The following STX8 variants were observed in gnomAD, a reference collection of about 807,000 sequenced individuals.
STX8 encodes the protein syntaxin-8.
STX8 carries 23 observed loss-of-function variants against 37.5 expected under a neutral mutation model. The observed-to-expected ratio is 0.61, with a 90% CI of 0.44 to 0.87. STX8 has a LOEUF of 0.87. Ranked by LOEUF, STX8 falls within the 40% of genes least tolerant of loss-of-function variation. The pLI is 0.00. For missense variants in STX8, 313 were observed against 284.7 expected, an observed-to-expected ratio of 1.10 and a Z score of -0.71; for synonymous variants, 115 against 99.1, an observed-to-expected ratio of 1.16 and a Z score of -0.95.
chr17:9,294,804 G>T (rs552502534), intron 7 of STX8, among the ~76,000 whole-genome samples: 1 of 152,156 alleles, frequency 6.6e-6, no homozygotes, highest in Non-Finnish European at 1.5e-5. Flanking sequence ...ATGAAAATGA[G>T]GTCATAAGAG....
intron 7 of STX8, among the ~76,000 whole-genome samples, chr17:9,256,232 C>A (rs148266565): frequency 1.3e-5 from 2 of 151,866 alleles, no homozygotes; most frequent in Admixed American, 1.3e-4. Context: ...TGGGTAGGAC[C>A]CCTCTGCCCA....
At chr17:9,556,772 T>TATATATATATACATAC (rs1567609017) in intron 3 of STX8, 11 of 82,944 alleles carry the variant, frequency 1.3e-4, no homozygotes, top group Non-Finnish European at 2.6e-4. Flanking sequence ...TATATATATA[T>TATATATATATACATAC]ATATATATAT....
At chr17:9,262,841 T>A (rs1907093713) in intron 7 of STX8, among the ~76,000 whole-genome samples, 1 of 152,170 alleles carries the variant, frequency 6.6e-6, no homozygotes, top group Non-Finnish European at 1.5e-5. Context: ...CCCAAAGTGG[T>A]AGGATACAGG....
Position 9,456,969 on chromosome 17 carries a change from G to A in STX8, c.541+34860C>T, listed in dbSNP as rs1432945610. Among the ~76,000 whole-genome samples, 4 of 152,128 alleles carry A rather than the reference G, an allele frequency of 2.6e-5. 1 individual carries two copies. Among genetic ancestry groups the A allele is most frequent in the Admixed American group, 2.0e-4 (3 of 15,254 alleles). On this transcript the variant is annotated intron_variant, in intron 6 of 7. Coordinates refer to ENST00000306357, the MANE Select transcript of STX8 (RefSeq NM_004853.3). ...TTAGACACAGAACTCTGCTAAGTAC[G>A]TATGCATCTTGCTTAGGACAGCTGT... is the stretch of plus-strand genomic sequence containing the variant.
intron 6 of STX8, among the ~76,000 whole-genome samples, chr17:9,477,284 G>A (rs537472270): frequency 4.6e-5 from 7 of 152,138 alleles, no homozygotes; most frequent in African/African-American, 1.7e-4. Flanking sequence ...AGTAGTAGGG[G>A]GTTAGTACTT....
chr17:9,568,651 C>G (rs1028624057), intron 1 of STX8, among the ~76,000 whole-genome samples, 181 bp from the exon 2 acceptor site: 7 of 152,168 alleles, frequency 4.6e-5, no homozygotes, highest in African/African-American at 1.7e-4. Flanking sequence ...CAGGCGCCCG[C>G]TATCATGCCT....
At chr17:9,406,995 C>T (rs1191267117) in intron 6 of STX8, among the ~76,000 whole-genome samples, 1 of 152,066 alleles carries the variant, frequency 6.6e-6, no homozygotes, top group Non-Finnish European at 1.5e-5. Flanking sequence ...TCTGATTGTT[C>T]ATACTATTCA....
chr17:9,376,389 G>A (rs989362449), intron 7 of STX8, among the ~76,000 whole-genome samples: 4 of 152,092 alleles, frequency 2.6e-5, no homozygotes, highest in Non-Finnish European at 2.9e-5. Context: ...GTTTGTAAAC[G>A]CACCAATCAG....
chr17:9,507,333 G>A lies in STX8; in HGVS notation c.324-2171C>T, dbSNP rs746607790. Among the ~76,000 whole-genome samples, 4 of 151,898 alleles carry A rather than the reference G, an allele frequency of 2.6e-5. No homozygotes were observed. Among genetic ancestry groups the A allele is most frequent in the African/African-American group, 9.7e-5 (4 of 41,334 alleles). On this transcript the variant is annotated intron_variant, in intron 4 of 7. Transcript: ENST00000306357. This position sits in a 1 kb window ranked among gnomAD's most constrained non-coding sequence, Gnocchi z 4.0. ...ATCTCAGGCCTGAAAAACAGCCCAT[G>A]GGTCACCCCTAGCGGCAACTCCCCT...
At chr17:9,373,924 A>G (rs1288095253) in intron 7 of STX8, among the ~76,000 whole-genome samples, 2 of 148,270 alleles carry the variant, frequency 1.3e-5, no homozygotes, top group African/African-American at 5.1e-5. Flanking sequence ...GGGCAACAAG[A>G]GCAGAACTCT....
At chr17:9,531,274 A>T (rs1722915799) in intron 4 of STX8, among the ~76,000 whole-genome samples, 1 of 152,134 alleles carries the variant, frequency 6.6e-6, no homozygotes, top group South Asian at 2.1e-4. Flanking sequence ...TTAACCATAT[A>T]AACAGTGGCT....
At chr17:9,311,336 G>A (rs1002000700) in intron 7 of STX8, among the ~76,000 whole-genome samples, 1 of 151,902 alleles carries the variant, frequency 6.6e-6, no homozygotes, top group Non-Finnish European at 1.5e-5. Context: ...GCAATGGAAT[G>A]ATATGTATTT....
rs1555532616 is a variant in STX8, at chr17:9,506,420, C to CCA, written c.324-1259_324-1258insTG. 1.4e-4 allele frequency among the ~76,000 whole-genome samples: 15 copies of CCA among 104,116 alleles called. 1 individual carries two copies. Among genetic ancestry groups the CCA allele is most frequent in the Non-Finnish European group, 2.9e-4 (14 of 48,378 alleles). 68.3% of individuals were successfully genotyped at this position (104,116 alleles called of 152,430 possible). A position where few individuals can be genotyped will look rare whatever the true frequency, so the allele number is the denominator to read the frequency against. On this transcript the variant is annotated intron_variant, in intron 4 of 7. Transcript: ENST00000306357. ...GTGCTCACCCGCTCCCCCCCCCCCC[C>CCA]ACCCACCTTTCTTAGGAAAGGACTA...
rs1036197390 is a variant in STX8, at chr17:9,260,763, C to T, written c.644-10118G>A. On this transcript the variant is annotated intron_variant, in intron 7 of 7. Transcript: ENST00000306357. The stretch of plus-strand genomic sequence containing the variant: ...ACTGGGAAGAGAGAGGCACCTGGCA[C>T]CCTCCTCACCCTGGAAACTCAGCCC... 2.0e-5 allele frequency among the ~76,000 whole-genome samples: 3 copies of T among 152,160 alleles called. No individual in the cohort carries two copies. The South Asian group carries it at 6.2e-4, about 32-fold the overall frequency.
At chr17:9,564,464 A>G (rs1437101632) in intron 2 of STX8, among the ~76,000 whole-genome samples, 2 of 152,130 alleles carry the variant, frequency 1.3e-5, no homozygotes, top group Non-Finnish European at 2.9e-5. Context: ...GAAATCTCAT[A>G]CTCCCAGTCC....
At chr17:9,297,848 A>G (rs1284066988) in intron 7 of STX8, among the ~76,000 whole-genome samples, 1 of 152,196 alleles carries the variant, frequency 6.6e-6, no homozygotes, top group Non-Finnish European at 1.5e-5. Context: ...CTGTCTCTCA[A>G]TAAATGAATG....
intron 7 of STX8, among the ~76,000 whole-genome samples, chr17:9,258,795 C>T (rs1906898392): frequency 6.6e-6 from 1 of 152,198 alleles, no homozygotes; most frequent in Non-Finnish European, 1.5e-5. Context: ...TTGCATCTGA[C>T]TCATCAATGG....
At chr17:9,320,453 T>C (rs1417286491) in intron 7 of STX8, among the ~76,000 whole-genome samples, 1 of 152,182 alleles carries the variant, frequency 6.6e-6, no homozygotes, top group Non-Finnish European at 1.5e-5. Flanking sequence ...ACAAGGATTA[T>C]GATTTGGGAA....
At chr17:9,293,261 G>C (rs1309433214) in intron 7 of STX8, among the ~76,000 whole-genome samples, 1 of 152,108 alleles carries the variant, frequency 6.6e-6, no homozygotes, top group Non-Finnish European at 1.5e-5. Context: ...AATACTTCTA[G>C]TTTCTAGGCA....
Sources: gnomAD v4.1 joint callset for allele counts (sites outside exome capture counted in the v4.1 genomes callset) on GRCh38, gnomAD v4.1.1 for gene constraint, Gnocchi (gnomAD v3.1) non-coding constraint, MANE v1.5 for transcripts, NCBI Gene and HGNC (gene_info 2026-07-23, HGNC 2026-07-21) for gene names.